Variants in ITGA11 observed in about 807,000 individuals in gnomAD.
ITGA11 encodes the protein integrin alpha-11.
Under a neutral mutation model 141.9 loss-of-function variants are expected in ITGA11, and 97 were observed. That is an observed-to-expected ratio of 0.68 (90% CI 0.58 to 0.81). ITGA11 has a LOEUF of 0.81. ITGA11 is among the 30% of genes least tolerant of loss of function. The probability of loss-of-function intolerance (pLI) is 0.00; values close to 1 mark genes in which losing one functional copy is unlikely to be tolerated. For missense variants in ITGA11, 1,387 were observed against 1,559.2 expected (o/e 0.89, Z 1.86); for synonymous variants, 658 against 624.6 (o/e 1.05, Z -0.80).
At chr15:68,349,400 G>T (rs1047052728) in intron 9 of ITGA11, among the ~76,000 whole-genome samples, 2 of 152,210 alleles carry the variant, frequency 1.3e-5, no homozygotes, top group Non-Finnish European at 2.9e-5. Flanking sequence ...GAAATCCCAT[G>T]AGTGCTGAAA....
intron 1 of ITGA11, among the ~76,000 whole-genome samples, chr15:68,420,584 C>A (rs919978979): frequency 7.9e-5 from 12 of 152,144 alleles, no homozygotes; most frequent in Non-Finnish European, 8.8e-5. Context: ...TACCTAGTAG[C>A]CTGGGGTCGT....
intron 2 of ITGA11, among the ~76,000 whole-genome samples, chr15:68,390,046 C>T (rs980469599): frequency 6.6e-6 from 1 of 152,176 alleles, no homozygotes; most frequent in East Asian, 1.9e-4. Context: ...GCTTAAAAAG[C>T]AGGGGCAGAG....
At chr15:68,331,236 A>G in intron 14 of ITGA11, 125 bp from the exon 15 acceptor site, 2 of 798,682 alleles carry the variant, frequency 2.5e-6, no homozygotes, top group South Asian at 3.4e-5. Context: ...AAGCTTCCCC[A>G]ACCCAAAGCA....
chr15:68,311,481 C>T, intron 24 of ITGA11, 78 bp from the exon 25 acceptor site: 2 of 998,236 alleles, frequency 2.0e-6, no homozygotes, highest in Non-Finnish European at 3.1e-6. Flanking sequence ...GCCAACCAGC[C>T]CCTGGGGGTG....
chr15:68,346,111 C>CA (rs11428988), intron 10 of ITGA11, among the ~76,000 whole-genome samples: 150,918 of 152,234 alleles, frequency 0.99, 74,818 homozygotes, highest in Middle Eastern at 1. Flanking sequence ...GTCCCTGTGT[C>CA]GGGGTGATGG....
At chr15:68,393,761 G>C (rs1166978394) in intron 2 of ITGA11, among the ~76,000 whole-genome samples, 1 of 152,062 alleles carries the variant, frequency 6.6e-6, no homozygotes. Context: ...TCAAATGAGA[G>C]CACAGAATTA....
intron 15 of ITGA11, among the ~76,000 whole-genome samples, chr15:68,329,379 A>G (rs1032376193): frequency 1.3e-5 from 2 of 152,180 alleles, no homozygotes; most frequent in Non-Finnish European, 2.9e-5. Flanking sequence ...GGTGTGGGTA[A>G]AGCCTGGGCA....
chr15:68,387,042 T>G (rs1896001861), intron 2 of ITGA11, among the ~76,000 whole-genome samples: 1 of 151,036 alleles, frequency 6.6e-6, no homozygotes. Context: ...GAGGAGGGGA[T>G]GAGGGGGAAA....
In ITGA11 at chr15:68,322,945, G is replaced by A. The variant is rs547031913; in HGVS notation, c.2323-1442C>T. 1.6e-4 allele frequency among the ~76,000 whole-genome samples: 24 copies of A among 152,238 alleles called. No homozygotes were observed. In the South Asian group the frequency reaches 3.9e-3, roughly 25 times the overall value. The stretch of plus-strand genomic sequence containing the variant: ...GAAGTGCCTGTGGCCCACCCAGGGC[G>A]AGGACCTCAGCAGGCAGATGGATAT... On this transcript the variant is annotated intron_variant, in intron 18 of 29. Coordinates refer to ENST00000315757, the MANE Select transcript of ITGA11 (RefSeq NM_001004439.2). The surrounding 1 kb of genome is among the most constrained non-coding windows in gnomAD (Gnocchi z 5.6).
chr15:68,310,277 T>C (rs1471716079), intron 26 of ITGA11, among the ~76,000 whole-genome samples: 1 of 152,164 alleles, frequency 6.6e-6, no homozygotes, highest in Admixed American at 6.5e-5. Flanking sequence ...TTAGAATTTA[T>C]TAGGTGAAAG....
chr15:68,332,385 T>G lies in ITGA11; in HGVS notation c.1519A>C (p.Asn507His). The G allele has an allele frequency of 6.2e-7, 1 of 1,610,288 alleles. No homozygotes were observed. Among genetic ancestry groups the G allele is most frequent in the South Asian group, 1.1e-5 (1 of 89,972 alleles). The change falls in exon 13 of 30, where the codon AAC becomes CAC. Residue 507 changes from asparagine to histidine, a missense_variant. Physicochemically the swap from Asn to His is moderately conservative, Grantham distance 68 (BLOSUM62 1). Transcript: ENST00000315757. ...ACCTTGCCTCGCTCACGGCCCTCGT[T>G]GAAGTACATGGGTGCGCCCACCAGC... is the stretch of plus-strand genomic sequence containing the variant. ...VLLVGAPMYF[N>H]EGRERGKVYV...
chr15:68,398,628 T>C (rs927582209), intron 2 of ITGA11, among the ~76,000 whole-genome samples: 1 of 148,054 alleles, frequency 6.8e-6, no homozygotes, highest in African/African-American at 2.5e-5. Context: ...ATTTTTATGG[T>C]ATAAAATGAA....
At chr15:68,415,904 T>C (rs1896876806) in intron 1 of ITGA11, among the ~76,000 whole-genome samples, 1 of 152,126 alleles carries the variant, frequency 6.6e-6, no homozygotes, top group Non-Finnish European at 1.5e-5. Context: ...CAGATGAACT[T>C]GATATTCATC....
At position 68,332,318 on chromosome 15, in the gene ITGA11, C is replaced by T; in HGVS notation, c.1566+20G>A. 6.3e-7 allele frequency: 1 copy of T among 1,594,082 alleles called. No homozygotes were observed. The highest frequency in any genetic ancestry group is 2.3e-5 in the East Asian group (1 of 43,960). ...GGTTGGGGGCACCTGAGAAGCTGCC[C>T]AGCCCCTGCCCAGCTGTACCTGTCT... On this transcript the variant is annotated intron_variant, in intron 13 of 29. Transcript: ENST00000315757.
chr15:68,402,974 G>A lies in ITGA11; in HGVS notation c.108C>T (p.Ser36=), dbSNP rs1896546159. 6 of 1,613,670 alleles carry A rather than the reference G, an allele frequency of 3.7e-6. No individual in the cohort carries two copies. The highest frequency in any genetic ancestry group is 3.3e-5 in the Admixed American group (2 of 59,974). Residue 36 remains serine (S), a synonymous_variant, in exon 2 of 30, where the codon TCC becomes TCT. Coordinates refer to ENST00000315757, the MANE Select transcript of ITGA11 (RefSeq NM_001004439.2). ...DTRKPRVIPG[S]RTAFFGYTVQ... is the part of the protein sequence containing the mutation. ...CTGTGTAGCCAAAGAAGGCGGTCCT[G>A]GAGCCAGGGATGACCCGGGGCTTCC...
At chr15:68,352,056 C>A (rs1894927914) in intron 7 of ITGA11, among the ~76,000 whole-genome samples, 1 of 149,318 alleles carries the variant, frequency 6.7e-6, no homozygotes, top group Non-Finnish European at 1.5e-5. Flanking sequence ...GCACTCCAGC[C>A]TGGGCGACAG....
intron 7 of ITGA11, among the ~76,000 whole-genome samples, chr15:68,355,845 A>G (rs564326771): frequency 6.6e-6 from 1 of 152,280 alleles, no homozygotes; most frequent in East Asian, 1.9e-4. Context: ...GTCTCAACAA[A>G]TGCAGCAGAA....
chr15:68,348,939 A>AATCCC (rs1338153041), intron 9 of ITGA11, 39 bp from the exon 10 acceptor site: 1 of 1,546,634 alleles, frequency 6.5e-7, no homozygotes, highest in South Asian at 1.2e-5. Context: ...CTCCATGCCC[A>AATCCC]ATCCCTTAGC....
chr15:68,374,167 C>T (rs534456964), intron 2 of ITGA11, among the ~76,000 whole-genome samples: 2 of 152,322 alleles, frequency 1.3e-5, no homozygotes, highest in Non-Finnish European at 2.9e-5. Context: ...CCACCTGGGG[C>T]CTGGACTTAC....
Sources: gnomAD v4.1 joint callset for allele counts (sites outside exome capture counted in the v4.1 genomes callset) on GRCh38, gnomAD v4.1.1 for gene constraint, Gnocchi (gnomAD v3.1) non-coding constraint, MANE v1.5 for transcripts, NCBI Gene and HGNC (gene_info 2026-07-23, HGNC 2026-07-21) for gene names.